Variants in VSTM4 observed in about 807,000 individuals in gnomAD.
VSTM4 encodes V-set and transmembrane domain containing 4.
In VSTM4, 20 loss-of-function variants were observed where a neutral mutation model predicts 36.4. The ratio of observed to expected loss-of-function variants is 0.55; its 90% CI spans 0.39 to 0.80. VSTM4 has a LOEUF of 0.80. Among genes scored for constraint, VSTM4 ranks in the 30% least tolerant of loss-of-function variants. VSTM4 has a pLI of 0.00. For missense variants in VSTM4, 392 were observed against 404.5 expected, an observed-to-expected ratio of 0.97 and a Z score of 0.26; for synonymous variants, 182 against 173.9, an observed-to-expected ratio of 1.05 and a Z score of -0.37.
rs140620675 is a variant in VSTM4 at position 49,020,568 on chromosome 10, A to G, written c.838-793T>C. Among the ~76,000 whole-genome samples, 11 of 152,294 alleles carry G rather than the reference A, an allele frequency of 7.2e-5. No homozygotes were observed. In the East Asian group the frequency reaches 2.1e-3, roughly 29 times the overall value. ...GAAGGAAGTTTAAAAATGCTTAAAC[A>G]AGACAGTTTGCTGAATATACTGAAA... On this transcript the variant is annotated intron_variant, in intron 7 of 7. Coordinates refer to ENST00000332853, the MANE Select transcript of VSTM4 (RefSeq NM_001031746.5).
chr10:49,036,496 C>A (rs1564568813), intron 7 of VSTM4, among the ~76,000 whole-genome samples: 1 of 151,980 alleles, frequency 6.6e-6, no homozygotes, highest in Non-Finnish European at 1.5e-5. Context: ...TTAACTGAAA[C>A]CAGTTCTAGC....
intron 2 of VSTM4, chr10:49,102,437 T>G (rs984976629): frequency 2.0e-6 from 2 of 985,382 alleles, no homozygotes; most frequent in African/African-American, 1.7e-5. Flanking sequence ...CCTGGCCAAC[T>G]CTTTTATGTA....
intron 2 of VSTM4, among the ~76,000 whole-genome samples, chr10:49,099,711 T>C (rs1029205696): frequency 1.3e-5 from 2 of 152,226 alleles, no homozygotes; most frequent in African/African-American, 4.8e-5. Context: ...CCTTTCCTTT[T>C]ACCATTGGGT....
intron 1 of VSTM4, among the ~76,000 whole-genome samples, chr10:49,112,653 G>A (rs1844917458): frequency 6.6e-6 from 1 of 152,194 alleles, no homozygotes; most frequent in African/African-American, 2.4e-5. Flanking sequence ...CGACCTGCAG[G>A]CACACAGGAC....
intron 7 of VSTM4, among the ~76,000 whole-genome samples, chr10:49,021,833 G>A (rs781717933): frequency 2.0e-5 from 3 of 152,228 alleles, no homozygotes; most frequent in African/African-American, 7.2e-5. Flanking sequence ...CGCAATATAC[G>A]GTGCAGTCTT....
At chr10:49,084,573 C>T (rs1443377102) in intron 3 of VSTM4, among the ~76,000 whole-genome samples, 1 of 152,212 alleles carries the variant, frequency 6.6e-6, no homozygotes, top group Non-Finnish European at 1.5e-5. Flanking sequence ...TCTGCCAGAT[C>T]ATACAATGGG....
In VSTM4 at chr10:49,107,737, TGCTCCTCCAGCAGGCGCA is replaced by T. The variant is rs1844811951; in HGVS notation, c.296_313del (p.Leu99_Glu104del). 1 of 1,614,096 alleles carries T rather than the reference TGCTCCTCCAGCAGGCGCA, an allele frequency of 6.2e-7. No individual in the cohort carries two copies. The highest frequency in any genetic ancestry group is 1.7e-5 in the Admixed American group (1 of 60,018). On this transcript the variant is annotated inframe_deletion, in exon 2 of 8. Coordinates refer to ENST00000332853, the MANE Select transcript of VSTM4 (RefSeq NM_001031746.5). ...GGAGAGCCTGTAGAGCGCCCCCCGC[TGCTCCTCCAGCAGGCGCA>T]GCCTCCGCCGTTTGGCGCTGCGGCT...
chr10:49,083,675 G>A (rs556120817), intron 3 of VSTM4, among the ~76,000 whole-genome samples: 4 of 152,292 alleles, frequency 2.6e-5, no homozygotes, highest in Admixed American at 6.5e-5. Flanking sequence ...GAGTTAGGTC[G>A]GGAGTAACCC....
chr10:49,052,796 T>G (rs1040113620), intron 5 of VSTM4, among the ~76,000 whole-genome samples: 1 of 152,202 alleles, frequency 6.6e-6, no homozygotes, highest in Non-Finnish European at 1.5e-5. Flanking sequence ...TTTGTGCACT[T>G]ATAACATTAT....
chr10:49,046,086 C>T (rs1393626919), intron 7 of VSTM4, among the ~76,000 whole-genome samples: 1 of 152,194 alleles, frequency 6.6e-6, no homozygotes, highest in African/African-American at 2.4e-5. Flanking sequence ...GCTTCCCCTT[C>T]CACCATGACT....
intron 4 of VSTM4, among the ~76,000 whole-genome samples, chr10:49,075,214 C>A (rs1844154703): frequency 6.6e-6 from 1 of 152,246 alleles, no homozygotes; most frequent in African/African-American, 2.4e-5. Flanking sequence ...ATGTCCCAGT[C>A]TGCCCTTCTT....
rs556680312 is a variant in VSTM4, at chr10:49,077,437, A to G, written c.527-111T>C. ...ATTTGAAATCCCAGTGCTACAGTCA[A>G]CAAGGCAGTGTGGTATTGGTGCAAG... On this transcript the variant is annotated intron_variant, in intron 3 of 7. Coordinates refer to ENST00000332853, the MANE Select transcript of VSTM4 (RefSeq NM_001031746.5). The G allele has an allele frequency of 4.2e-6, 4 of 957,218 alleles. No homozygotes were observed. The Admixed American group carries it at 8.1e-5, about 19-fold the overall frequency. 59.3% of individuals were successfully genotyped at this position (957,218 alleles called of 1,614,324 possible).
chr10:49,091,455 C>G (rs967685710), intron 2 of VSTM4, among the ~76,000 whole-genome samples: 1 of 152,224 alleles, frequency 6.6e-6, no homozygotes, highest in South Asian at 2.1e-4. Context: ...CCGATTCTAT[C>G]AACTGCATGT....
rs1203393331 is a variant in VSTM4, at chr10:49,086,090, A to G, written c.458-67T>C. 4.0e-6 allele frequency: 4 copies of G among 1,000,102 alleles called. No homozygotes were observed. The East Asian group carries it at 1.0e-4, about 26-fold the overall frequency. 62.0% of individuals were successfully genotyped at this position (1,000,102 alleles called of 1,614,324 possible). ...GCCACATGGTACACATGGCACTTAC[A>G]TTTACAAAGCAATTTCTACATTTGC... is the stretch of plus-strand genomic sequence containing the variant. On this transcript the variant is annotated intron_variant, in intron 2 of 7. Transcript: ENST00000332853.
intron 2 of VSTM4, among the ~76,000 whole-genome samples, chr10:49,106,939 A>T (rs573557177): frequency 6.6e-6 from 1 of 152,140 alleles, no homozygotes; most frequent in South Asian, 2.1e-4. Context: ...TGCCAAAAGC[A>T]TTTACTGCTT....
At chr10:49,055,417 AC>A (rs2131968260) in intron 5 of VSTM4, among the ~76,000 whole-genome samples, 1 of 152,290 alleles carries the variant, frequency 6.6e-6, no homozygotes, top group Non-Finnish European at 1.5e-5. Flanking sequence ...CACACTCGCC[AC>A]CCCATAACCC....
rs528434818 is a variant in VSTM4 at position 49,040,211 on chromosome 10, G to A, written c.837+6772C>T. The stretch of plus-strand genomic sequence containing the variant: ...ACTTTGAAAGCAGGTTGTTGTGTTT[G>A]GTTGTTTTGTTTTAAAAAAAGGAAA... On this transcript the variant is annotated intron_variant, in intron 7 of 7. Transcript: ENST00000332853. Among the ~76,000 whole-genome samples the A allele has an allele frequency of 1.3e-5, 2 of 152,238 alleles. 1 individual carries two copies. Among genetic ancestry groups the A allele is most frequent in the South Asian group, 4.2e-4 (2 of 4,814 alleles).
chr10:49,066,346 A>C (rs947145159), intron 4 of VSTM4, among the ~76,000 whole-genome samples: 3 of 152,244 alleles, frequency 2.0e-5, no homozygotes, highest in African/African-American at 7.2e-5. Flanking sequence ...CTAGGCAACT[A>C]AATCTTTCAC....
rs185124790 is a variant in VSTM4, at chr10:49,107,893, C to T, written c.158G>A (p.Arg53Gln). The change falls in exon 2 of 8, where the codon CGG (arginine) becomes CAG (glutamine). Residue 53 changes from arginine to glutamine, a missense_variant. By Grantham distance (43) the Arg-to-Gln change is conservative. Transcript: ENST00000332853. ...GCGCACGGCCAGCAAGCTGTCCTTCCGCCTTTTCTGGGAGACGTGGCAGAG... is the reference window on the plus strand; with the variant it reads ...GCGCACGGCCAGCAAGCTGTCCTTCTGCCTTTTCTGGGAGACGTGGCAGAG... ...TLLCHVSQKR[R>Q]KDSLLAVRWF... is the part of the protein sequence containing the mutation. The T allele has an allele frequency of 1.4e-4, 227 of 1,614,178 alleles. No homozygotes were observed. In the East Asian group the frequency reaches 3.4e-3, roughly 24 times the overall value.
Sources: gnomAD v4.1 joint callset for allele counts (sites outside exome capture counted in the v4.1 genomes callset) on GRCh38, gnomAD v4.1.1 for gene constraint, MANE v1.5 for transcripts, NCBI Gene and HGNC (gene_info 2026-07-23, HGNC 2026-07-21) for gene names.